SGCZ: variants seen among roughly 807,000 people sequenced by gnomAD.
SGCZ encodes sarcoglycan zeta.
Under a neutral mutation model 41.3 loss-of-function variants are expected in SGCZ, and 40 were observed. That is an observed-to-expected ratio of 0.97 (90% confidence interval 0.75 to 1.26). The LOEUF is 1.26. SGCZ is among the 50% of genes most tolerant of loss of function. SGCZ has a pLI of 0.00. For synonymous variants in SGCZ, 206 were observed against 137.5 expected (o/e 1.50, Z -3.49); for missense variants, 552 against 369.8 (o/e 1.49, Z -4.04).
chr8:14,190,811 C>T (rs1441863200), intron 4 of SGCZ, among the ~76,000 whole-genome samples: 1 of 152,018 alleles, frequency 6.6e-6, no homozygotes, highest in African/African-American at 2.4e-5. Flanking sequence ...ACTGTGTTAG[C>T]CAGGATGGTC....
At chr8:14,098,806 T>C (rs1801923773) in intron 7 of SGCZ, among the ~76,000 whole-genome samples, 1 of 152,126 alleles carries the variant, frequency 6.6e-6, no homozygotes. Flanking sequence ...GGATTGCAGG[T>C]GACAGCCTTA....
intron 1 of SGCZ, among the ~76,000 whole-genome samples, chr8:14,625,647 T>C (rs77601595): frequency 0.11 from 16,683 of 152,118 alleles, 1,069 homozygotes; most frequent in African/African-American, 0.19. Context: ...CCCAGGCTGG[T>C]CTTGAACTCC....
At chr8:14,183,806 G>T (rs1489853684) in intron 4 of SGCZ, among the ~76,000 whole-genome samples, 1 of 152,058 alleles carries the variant, frequency 6.6e-6, no homozygotes, top group East Asian at 1.9e-4. Context: ...CATTATTCTG[G>T]AGGTCCTAAC....
intron 2 of SGCZ, among the ~76,000 whole-genome samples, chr8:14,391,295 T>G (rs973562319): frequency 2.0e-5 from 3 of 152,170 alleles, no homozygotes; most frequent in African/African-American, 7.2e-5. Flanking sequence ...CTTGGATTTT[T>G]TTTTCCTTCT....
At chr8:14,404,206 T>G (rs749799383) in intron 2 of SGCZ, among the ~76,000 whole-genome samples, 4 of 152,214 alleles carry the variant, frequency 2.6e-5, no homozygotes, top group African/African-American at 4.8e-5. Flanking sequence ...CTATATACAT[T>G]TGTCAAGTGC....
At chr8:14,154,423 G>A (rs560426775) in intron 5 of SGCZ, among the ~76,000 whole-genome samples, 7 of 152,172 alleles carry the variant, frequency 4.6e-5, no homozygotes, top group Non-Finnish European at 7.4e-5. Context: ...AGTTTCTGTT[G>A]TTTAAGCCAC....
intron 3 of SGCZ, among the ~76,000 whole-genome samples, chr8:14,286,102 C>A (rs963429753): frequency 9.2e-5 from 14 of 151,594 alleles, no homozygotes; most frequent in Non-Finnish European, 2.1e-4. Context: ...CTACAGTCCT[C>A]AAATTGGCTT....
chr8:15,049,077 C>A (rs2130990168), intron 1 of SGCZ, among the ~76,000 whole-genome samples: 1 of 152,206 alleles, frequency 6.6e-6, no homozygotes, highest in East Asian at 1.9e-4. Flanking sequence ...ATCTCTGCCA[C>A]ATGTAATGCA....
chr8:14,518,580 T>C (rs1451626646), intron 2 of SGCZ, among the ~76,000 whole-genome samples: 1 of 152,114 alleles, frequency 6.6e-6, no homozygotes, highest in African/African-American at 2.4e-5. Context: ...CTAGAATTCC[T>C]TACTGGGTTT....
At chr8:14,117,545 C>G (rs1257166968) in intron 5 of SGCZ, among the ~76,000 whole-genome samples, 2 of 150,654 alleles carry the variant, frequency 1.3e-5, no homozygotes, top group Middle Eastern at 3.2e-3. Flanking sequence ...TTGTAAATAC[C>G]TTTCCAGAGA....
At chr8:15,056,152 C>T (rs1563472814) in intron 1 of SGCZ, among the ~76,000 whole-genome samples, 1 of 152,192 alleles carries the variant, frequency 6.6e-6, no homozygotes. Context: ...TACTCCCAGG[C>T]TCAGATCAAG....
intron 2 of SGCZ, among the ~76,000 whole-genome samples, chr8:14,392,555 G>A (rs1804814275): frequency 6.6e-6 from 1 of 152,150 alleles, no homozygotes; most frequent in South Asian, 2.1e-4. Flanking sequence ...AGATATAGGG[G>A]TCCATGTACA....
At chr8:15,043,660 G>C (rs972235547) in intron 1 of SGCZ, among the ~76,000 whole-genome samples, 1 of 151,796 alleles carries the variant, frequency 6.6e-6, no homozygotes, top group African/African-American at 2.4e-5. Flanking sequence ...TTAAAAAATT[G>C]TTAAAAAAGT....
At chr8:15,167,455 G>A (rs1261905108) in intron 1 of SGCZ, among the ~76,000 whole-genome samples, 1 of 152,136 alleles carries the variant, frequency 6.6e-6, no homozygotes, top group Admixed American at 6.5e-5. Context: ...CTTAAGAGGA[G>A]AGAATTACCC....
At chr8:14,735,738 A>T (rs1313779068) in intron 1 of SGCZ, among the ~76,000 whole-genome samples, 1 of 152,150 alleles carries the variant, frequency 6.6e-6, no homozygotes, top group Non-Finnish European at 1.5e-5. Context: ...CCCTCTGGAG[A>T]ATCCTGACTG....
chr8:15,234,454 G>T (rs180751442), intron 1 of SGCZ, among the ~76,000 whole-genome samples: 6 of 152,332 alleles, frequency 3.9e-5, no homozygotes, highest in African/African-American at 1.4e-4. Context: ...AAAGGGAAAA[G>T]AACACACACA....
intron 1 of SGCZ, among the ~76,000 whole-genome samples, chr8:14,985,472 G>A (rs1801799082): frequency 6.6e-6 from 1 of 152,132 alleles, no homozygotes; most frequent in African/African-American, 2.4e-5. Context: ...GAGCAAATGA[G>A]ACTAAAAATT....
At chr8:15,070,935 G>A (rs1393989047) in intron 1 of SGCZ, among the ~76,000 whole-genome samples, 2 of 152,126 alleles carry the variant, frequency 1.3e-5, no homozygotes, top group Admixed American at 1.3e-4. Context: ...GCTCAGTTAA[G>A]TGGAGAAATA....
chr8:14,388,428 G>T (rs1174562988), intron 2 of SGCZ, among the ~76,000 whole-genome samples: 1 of 151,994 alleles, frequency 6.6e-6, no homozygotes, highest in Non-Finnish European at 1.5e-5. Flanking sequence ...CAGATTAGGA[G>T]AATATTTTTT....
Sources: gnomAD v4.1 joint callset for allele counts (sites outside exome capture counted in the v4.1 genomes callset) on GRCh38, gnomAD v4.1.1 for gene constraint, MANE v1.5 for transcripts, NCBI Gene and HGNC (gene_info 2026-07-23, HGNC 2026-07-21) for gene names.